Variants in PRMT1 observed in about 807,000 individuals in gnomAD.
PRMT1 encodes protein arginine N-methyltransferase 1.
Under a neutral mutation model 47.4 loss-of-function variants are expected in PRMT1, and 5 were observed. The observed-to-expected ratio is 0.11, with a 90% CI of 0.06 to 0.22. The LOEUF (loss-of-function observed/expected upper bound fraction) is 0.22, where lower values mean the gene tolerates loss of function less well. Among genes scored for constraint, PRMT1 ranks in the 10% least tolerant of loss-of-function variants. The pLI, the probability that PRMT1 is intolerant of heterozygous loss-of-function variation, is 1.00. For missense variants in PRMT1, 249 were observed against 518.4 expected (o/e 0.48, Z 5.05); for synonymous variants, 227 against 204.6 (o/e 1.11, Z -0.94).
At chr19:49,686,864 C>T (rs1378598361) in intron 10 of PRMT1, 138 bp downstream of exon 10, 4 of 555,122 alleles carry the variant, frequency 7.2e-6, no homozygotes, top group African/African-American at 4.2e-5. Flanking sequence ...GGGCAGCTGG[C>T]GGGGGCGAGC....
At chr19:49,677,220 C>T, upstream of PRMT1, 2 of 1,386,028 alleles carry the variant, frequency 1.4e-6, no homozygotes, top group Non-Finnish European at 1.9e-6. Context: ...AAGGCGGTCC[C>T]GGGGGAGTGA....
chr19:49,677,124 A>G (rs1257022007), upstream of PRMT1: 2 of 569,722 alleles, frequency 3.5e-6, no homozygotes, highest in East Asian at 3.3e-5. Flanking sequence ...GCCAATTACT[A>G]GACGGTATTC....
Position 49,685,303 on chromosome 19 carries a change from G to A in PRMT1, c.759+266G>A. ...CTGGCAGCTAAAGCCCACAGCCCAT[G>A]CACGGAAAGGCAGGACCCCAGGGCG... On this transcript the variant is annotated intron_variant, in intron 8 of 10. Transcript: ENST00000454376. This position sits in a 1 kb window ranked among gnomAD's most constrained non-coding sequence, Gnocchi z 4.7. The A allele has an allele frequency of 1.4e-6, 2 of 1,387,452 alleles. No homozygotes were observed. The highest frequency in any genetic ancestry group is 1.9e-6 in the Non-Finnish European group (2 of 1,066,062). 85.9% of individuals were successfully genotyped at this position (1,387,452 alleles called of 1,614,324 possible).
intron 1 of PRMT1, chr19:49,678,283 ACCT>A (rs1182881640): frequency 2.0e-5 from 3 of 152,036 alleles, no homozygotes; most frequent in Admixed American, 6.6e-5. Context: ...GTGCGAGATG[ACCT>A]CCTTCTTCCT....
rs768617305 is a variant in PRMT1 at position 49,684,715 on chromosome 19, C to T, written c.556-39C>T. On this transcript the variant is annotated intron_variant, in intron 6 of 10. Coordinates refer to ENST00000454376, the MANE Select transcript of PRMT1 (RefSeq NM_001536.6). The surrounding 1 kb of genome is among the most constrained non-coding windows in gnomAD (Gnocchi z 6.2). ...GAGGCAAGACTCAGGGTAGTGTTGCCAGGCCCCACCCTTCATGCCTCGCCC... is the reference window on the plus strand; with the variant it reads ...GAGGCAAGACTCAGGGTAGTGTTGCTAGGCCCCACCCTTCATGCCTCGCCC... 8.4e-6 allele frequency: 13 copies of T among 1,540,450 alleles called. No individual in the cohort carries two copies. Among genetic ancestry groups the T allele is most frequent in the Middle Eastern group, 4.4e-4 (2 of 4,596 alleles).
chr19:49,683,612 C>T (rs539608377), intron 5 of PRMT1: 18 of 229,148 alleles, frequency 7.9e-5, no homozygotes, highest in Admixed American at 1.1e-4. Flanking sequence ...GGCGTGAACC[C>T]GGGAGGCGGA....
chr19:49,684,136 C>T lies in PRMT1; in HGVS notation c.555+67C>T, dbSNP rs1311141406. On this transcript the variant is annotated intron_variant, in intron 6 of 10. Coordinates refer to ENST00000454376, the MANE Select transcript of PRMT1 (RefSeq NM_001536.6). This position sits in a 1 kb window ranked among gnomAD's most constrained non-coding sequence, Gnocchi z 6.2. The stretch of plus-strand genomic sequence containing the variant: ...GTCCAGGTAGAAGACGAAAACCACG[C>T]TCAATTTTTCCCACAGACGGGACTT... 6.0e-5 allele frequency: 96 copies of T among 1,590,580 alleles called. No homozygotes were observed. Among genetic ancestry groups the T allele is most frequent in the Non-Finnish European group, 7.8e-5 (91 of 1,163,692 alleles).
chr19:49,679,641 C>A, intron 1 of PRMT1: 1 of 696,518 alleles, frequency 1.4e-6, no homozygotes, highest in Non-Finnish European at 2.6e-6. Context: ...GGGGGTGGGC[C>A]ACCATCTCTC....
intron 10 of PRMT1, among the ~76,000 whole-genome samples, chr19:49,687,668 C>G (rs76245510): frequency 6.6e-6 from 1 of 152,060 alleles, no homozygotes; most frequent in Non-Finnish European, 1.5e-5. Flanking sequence ...ATGCAGCCCC[C>G]GGGACCACGG....
At chr19:49,682,147 G>T in intron 4 of PRMT1, 49 bp from the exon 5 acceptor site, 1 of 1,613,792 alleles carries the variant, frequency 6.2e-7, no homozygotes, top group South Asian at 1.1e-5. Flanking sequence ...GGATGGAGGT[G>T]ATGGGGGCAG....
upstream of PRMT1, chr19:49,676,988 G>T: frequency 1.1e-5 from 4 of 348,752 alleles, no homozygotes; most frequent in East Asian, 4.2e-5. Context: ...GGTGGATTTT[G>T]CCCAATCACC....
Position 49,688,366 on chromosome 19 carries a change from T to A in PRMT1, c.*121T>A, listed in dbSNP as rs1568491009. On this transcript the variant is annotated 3_prime_UTR_variant, in exon 11 of 11. Coordinates refer to ENST00000454376, the MANE Select transcript of PRMT1 (RefSeq NM_001536.6). This position sits in a 1 kb window ranked among gnomAD's most constrained non-coding sequence, Gnocchi z 5.3. ...GTTTTAGGGGCCTGGGCTGGGGGGA[T>A]GGGGAGGGCACATCGTGACTGTGTT... 2 of 859,952 alleles carry A rather than the reference T, an allele frequency of 2.3e-6. No homozygotes were observed. Among genetic ancestry groups the A allele is most frequent in the Non-Finnish European group, 3.8e-6 (2 of 524,628 alleles). The allele number at this position is 859,952 out of a possible 1,614,324, so 53.3% of individuals were successfully genotyped here.
At chr19:49,678,096 G>C (rs2082064158) in intron 1 of PRMT1, 2 of 152,118 alleles carry the variant, frequency 1.3e-5, no homozygotes, top group South Asian at 4.1e-4. Flanking sequence ...GCCATTTCTG[G>C]GTGTGTGGGA....
chr19:49,687,967 C>T, intron 10 of PRMT1, 195 bp from the exon 11 acceptor site: 1 of 634,966 alleles, frequency 1.6e-6, no homozygotes, highest in Non-Finnish European at 2.9e-6. Flanking sequence ...GTCTAGTGGG[C>T]TTGGGGGTGT....
intron 5 of PRMT1, 89 bp downstream of exon 5, chr19:49,682,348 G>A: frequency 7.3e-7 from 1 of 1,363,644 alleles, no homozygotes; most frequent in Non-Finnish European, 1.0e-6. Flanking sequence ...GGGGTCTACA[G>A]ATGACCACAG....
intron 1 of PRMT1, chr19:49,678,390 G>A (rs1369145625): frequency 6.6e-6 from 1 of 152,410 alleles, no homozygotes; most frequent in Non-Finnish European, 1.5e-5. Flanking sequence ...GCCATGTGGG[G>A]GAGGTTTCAG....
In PRMT1 at chr19:49,685,457, C is replaced by G; in HGVS notation, c.759+420C>G. The G allele has an allele frequency of 8.8e-7, 1 of 1,142,540 alleles. No homozygotes were observed. Among genetic ancestry groups the G allele is most frequent in the African/African-American group, 1.6e-5 (1 of 61,558 alleles). 70.8% of individuals were successfully genotyped at this position (1,142,540 alleles called of 1,614,324 possible). On this transcript the variant is annotated intron_variant, in intron 8 of 10. Transcript: ENST00000454376. The surrounding 1 kb of genome is among the most constrained non-coding windows in gnomAD (Gnocchi z 4.7). Reference sequence around the variant, plus strand: ...CCTGGGAGTTCAAGGCTGCAGTGAGCTGTGATCACATCACTGCACTCCAGC... The same window carrying G: ...CCTGGGAGTTCAAGGCTGCAGTGAGGTGTGATCACATCACTGCACTCCAGC...
In PRMT1 at chr19:49,681,365, C is replaced by T. The variant is rs984182477; in HGVS notation, c.193-545C>T. Among the ~76,000 whole-genome samples, 7 of 151,836 alleles carry T rather than the reference C, an allele frequency of 4.6e-5. No homozygotes were observed. The highest frequency in any genetic ancestry group is 4.6e-4 in the Admixed American group (7 of 15,206). ...CTCCCAGCCTGAGGACTTTTAAAAG[C>T]CAGGGTTCACTGGTTCTTAGGTAGC... On this transcript the variant is annotated intron_variant, in intron 3 of 10. Transcript: ENST00000454376. This position sits in a 1 kb window ranked among gnomAD's most constrained non-coding sequence, Gnocchi z 4.4.
Position 49,688,234 on chromosome 19 carries a change from C to G in PRMT1, c.1105C>G (p.Arg369Gly). ...CGAGCTGTCCTGCTCCACCGACTAC[C>G]GGATGCGCTGAGGCCCGGCTCTCCC... ...LCELSCSTDY[R>G]MR The change falls in exon 11 of 11, where the codon CGG becomes GGG. Residue 369 changes from arginine to glycine, a missense_variant. Arg to Gly is a moderately radical substitution (Grantham distance 125, BLOSUM62 -2). Coordinates refer to ENST00000454376, the MANE Select transcript of PRMT1 (RefSeq NM_001536.6). The surrounding 1 kb of genome is among the most constrained non-coding windows in gnomAD (Gnocchi z 5.3). The G allele has an allele frequency of 1.9e-6, 3 of 1,613,920 alleles. No individual in the cohort carries two copies. The highest frequency in any genetic ancestry group is 2.5e-6 in the Non-Finnish European group (3 of 1,179,908).
Sources: allele counts gnomAD v4.1 joint callset (sites outside exome capture counted in the v4.1 genomes callset), GRCh38; gene constraint gnomAD v4.1.1; non-coding constraint Gnocchi (gnomAD v3.1); transcripts MANE v1.5; gene names NCBI Gene and HGNC (gene_info 2026-07-23, HGNC 2026-07-21).